Variants in ANKRD31 observed in about 807,000 individuals in gnomAD.
The protein encoded by ANKRD31 is ankyrin repeat domain 31, also known as ankyrin repeat domain-containing protein 31.
ANKRD31 carries 147 observed loss-of-function variants against 186.0 expected under a neutral mutation model. The ratio of observed to expected loss-of-function variants is 0.79; its 90% confidence interval spans 0.69 to 0.91. ANKRD31 has a LOEUF of 0.91. Among genes scored for constraint, ANKRD31 ranks in the 40% least tolerant of loss-of-function variants. ANKRD31 has a pLI of 0.00. For missense variants in ANKRD31, 1,986 were observed against 2,148.8 expected (o/e 0.92, Z 1.50); for synonymous variants, 673 against 736.4 (o/e 0.91, Z 1.39).
At chr5:75,117,067 G>A (rs1748350382) in intron 18 of ANKRD31, among the ~76,000 whole-genome samples, 3 of 152,084 alleles carry the variant, frequency 2.0e-5, no homozygotes, top group African/African-American at 7.2e-5. Flanking sequence ...AATATGACTG[G>A]ATTAATTGCC....
At chr5:75,108,128 T>C (rs1430119026) in intron 20 of ANKRD31, among the ~76,000 whole-genome samples, 1 of 151,936 alleles carries the variant, frequency 6.6e-6, no homozygotes, top group Non-Finnish European at 1.5e-5. Context: ...GGTATGTATG[T>C]TTGTAAAATT....
At chr5:75,148,712 G>A (rs992754168) in intron 12 of ANKRD31, 84 bp from the exon 13 acceptor site, 86 of 980,954 alleles carry the variant, frequency 8.8e-5, no homozygotes, top group Middle Eastern at 2.1e-4. Flanking sequence ...CCTTTGCCAC[G>A]AGAAAACCAA....
rs374470778 is a variant in ANKRD31, at chr5:75,187,677, G to T, written c.1564+816C>A. The stretch of plus-strand genomic sequence containing the variant: ...TATAACAGGGCTATAACCTGGGTAT[G>T]ACATTTAAAATAATATCCTGTTAAA... On this transcript the variant is annotated intron_variant, in intron 10 of 25. Transcript: ENST00000506364. 2.0e-5 allele frequency among the ~76,000 whole-genome samples: 3 copies of T among 152,216 alleles called. No homozygotes were observed. The East Asian group carries it at 5.8e-4, about 29-fold the overall frequency.
At chr5:75,197,704 A>G (rs967920903) in intron 6 of ANKRD31, among the ~76,000 whole-genome samples, 1 of 152,242 alleles carries the variant, frequency 6.6e-6, no homozygotes, top group Non-Finnish European at 1.5e-5. Flanking sequence ...CAGGTATAAT[A>G]AAGTATATAC....
chr5:75,071,567 C>G (rs1207975507), intron 25 of ANKRD31, among the ~76,000 whole-genome samples: 8 of 149,340 alleles, frequency 5.4e-5, no homozygotes, highest in African/African-American at 2.0e-4. Context: ...GCAATCTCAA[C>G]TCACTGCGAC....
chr5:75,183,606 T>A (rs1456626498), intron 10 of ANKRD31, among the ~76,000 whole-genome samples: 1 of 152,086 alleles, frequency 6.6e-6, no homozygotes, highest in South Asian at 2.1e-4. Context: ...AGTGTTTCTA[T>A]ATGCTAAATA....
intron 4 of ANKRD31, among the ~76,000 whole-genome samples, chr5:75,210,136 TTTCC>T (rs751811448): frequency 2.0e-5 from 3 of 152,090 alleles, no homozygotes; most frequent in East Asian, 1.9e-4. Flanking sequence ...GGACAGTTTC[TTTCC>T]TTCCTTCCTT....
At chr5:75,203,587 C>T (rs1350965787) in intron 5 of ANKRD31, among the ~76,000 whole-genome samples, 3 of 146,826 alleles carry the variant, frequency 2.0e-5, no homozygotes, top group South Asian at 2.2e-4. Context: ...TGGTTGAACC[C>T]GGGAGGTGGA....
At chr5:75,211,061 A>G (rs1386475547) in intron 3 of ANKRD31, among the ~76,000 whole-genome samples, 196 bp from the exon 4 acceptor site, 1 of 152,094 alleles carries the variant, frequency 6.6e-6, no homozygotes, top group Non-Finnish European at 1.5e-5. Context: ...CATTAAGTAT[A>G]CTCACACTGT....
intron 2 of ANKRD31, among the ~76,000 whole-genome samples, chr5:75,224,914 G>C (rs552236376): frequency 4.6e-5 from 7 of 152,026 alleles, no homozygotes; most frequent in Admixed American, 1.3e-4. Flanking sequence ...CTTTAATATA[G>C]AAAATGCTCT....
At chr5:75,148,489 A>T (rs1751626654) in intron 13 of ANKRD31, 87 bp downstream of exon 13, 3 of 897,500 alleles carry the variant, frequency 3.3e-6, no homozygotes, top group African/African-American at 1.7e-5. Flanking sequence ...CTAAAGCTTC[A>T]GCAGTCTTTC....
chr5:75,131,834 C>G (rs531022636), intron 17 of ANKRD31, among the ~76,000 whole-genome samples: 2 of 152,322 alleles, frequency 1.3e-5, no homozygotes, highest in South Asian at 4.1e-4. Flanking sequence ...GATCAGGCAG[C>G]AACATTTGCC....
chr5:75,133,323 A>G (rs536908516), intron 17 of ANKRD31, among the ~76,000 whole-genome samples: 6 of 152,174 alleles, frequency 3.9e-5, no homozygotes, highest in Non-Finnish European at 5.9e-5. Context: ...AAGATCTACC[A>G]AGCAAATGGA....
intron 17 of ANKRD31, among the ~76,000 whole-genome samples, chr5:75,131,899 G>C (rs1396844757): frequency 1.3e-5 from 2 of 152,120 alleles, no homozygotes; most frequent in African/African-American, 2.4e-5. Context: ...AGGCAAACAG[G>C]GTCTGGAGTG....
rs796247855 is a variant in ANKRD31, at chr5:75,173,782, T to A, written c.1565-4661A>T. 1.5e-3 allele frequency among the ~76,000 whole-genome samples: 228 copies of A among 152,126 alleles called. 1 individual carries two copies. The highest frequency in any genetic ancestry group is 5.4e-3 in the African/African-American group (223 of 41,504). On this transcript the variant is annotated intron_variant, in intron 10 of 25. Coordinates refer to ENST00000506364, the MANE Select transcript of ANKRD31 (RefSeq NM_001372053.1). ...CATGCTCATGGATACGACAAATCAA[T>A]ATGATGAAAATGGCCATACTGCCCA...
intron 3 of ANKRD31, among the ~76,000 whole-genome samples, chr5:75,221,990 T>C (rs1190241582): frequency 1.3e-5 from 2 of 152,170 alleles, no homozygotes; most frequent in Non-Finnish European, 2.9e-5. Flanking sequence ...GATTTTTCAC[T>C]GCACAGAGGG....
At chr5:75,086,878 C>T (rs1321281119) in intron 23 of ANKRD31, among the ~76,000 whole-genome samples, 2 of 151,468 alleles carry the variant, frequency 1.3e-5, no homozygotes, top group African/African-American at 4.9e-5. Context: ...TGTACGCGCA[C>T]GTGTGCACGC....
intron 11 of ANKRD31, among the ~76,000 whole-genome samples, chr5:75,165,618 T>C (rs1199004899): frequency 2.0e-5 from 3 of 152,104 alleles, no homozygotes; most frequent in Non-Finnish European, 4.4e-5. Context: ...GAGCATACCT[T>C]GCATCCAGAC....
rs200827822 is a variant in ANKRD31 at position 75,147,404 on chromosome 5, C to T, written c.2007G>A (p.Ala669=). The T allele has an allele frequency of 1.5e-4, 223 of 1,521,624 alleles. 1 individual carries two copies. Among genetic ancestry groups the T allele is most frequent in the Non-Finnish European group, 1.8e-4 (204 of 1,140,692 alleles). 94.3% of individuals were successfully genotyped at this position (1,521,624 alleles called of 1,614,324 possible). A position where few individuals can be genotyped will look rare whatever the true frequency, so the allele number is the denominator to read the frequency against. The change falls in exon 14 of 26, where the codon GCG becomes GCA. Residue 669 remains alanine, a synonymous_variant. Transcript: ENST00000506364. ...EHVKVNKGSK[A]SLFINKEDVY... Reference sequence around the variant, plus strand: ...CATCTTCTTTATTTATAAATAAACTCGCTTTGCTTCCTTTATTGACTTTTA... The same window carrying T: ...CATCTTCTTTATTTATAAATAAACTTGCTTTGCTTCCTTTATTGACTTTTA...
Sources: allele counts gnomAD v4.1 joint callset (sites outside exome capture counted in the v4.1 genomes callset), GRCh38; gene constraint gnomAD v4.1.1; transcripts MANE v1.5; gene names NCBI Gene and HGNC (gene_info 2026-07-23, HGNC 2026-07-21).